The following ARHGAP17 variants were observed in gnomAD, a reference collection of about 807,000 sequenced individuals.
ARHGAP17 encodes Rho GTPase activating protein 17.
ARHGAP17 carries 57 observed loss-of-function variants against 99.5 expected under a neutral mutation model. The ratio of observed to expected loss-of-function variants is 0.57; its 90% CI spans 0.46 to 0.71. The LOEUF (loss-of-function observed/expected upper bound fraction) is 0.71. ARHGAP17 is among the 30% of genes least tolerant of loss of function. ARHGAP17 has a pLI of 0.00. For synonymous variants in ARHGAP17, 417 were observed against 429.6 expected (o/e 0.97, Z 0.36); for missense variants, 1,000 against 1,122.4 (o/e 0.89, Z 1.56).
chr16:24,982,842 T>G (rs1597451158), intron 1 of ARHGAP17, among the ~76,000 whole-genome samples: 1 of 140,518 alleles, frequency 7.1e-6, no homozygotes, highest in East Asian at 1.9e-4. Flanking sequence ...TATCTTTGGT[T>G]GAGTTTTTGT....
chr16:24,934,858 T>A (rs1291347011), intron 18 of ARHGAP17, among the ~76,000 whole-genome samples: 1 of 152,136 alleles, frequency 6.6e-6, no homozygotes, highest in Non-Finnish European at 1.5e-5. Context: ...ATGAACTTAG[T>A]TCATTCAAGG....
At chr16:24,959,801 G>A (rs552541237) in intron 8 of ARHGAP17, 49 bp from the exon 9 acceptor site, 1 of 1,605,674 alleles carries the variant, frequency 6.2e-7, no homozygotes, top group East Asian at 2.2e-5. Context: ...AGCATCGGAT[G>A]GACACACACA....
At chr16:24,932,641 A>G (rs899035350) in intron 18 of ARHGAP17, among the ~76,000 whole-genome samples, 6 of 152,310 alleles carry the variant, frequency 3.9e-5, no homozygotes, top group South Asian at 2.1e-4. Flanking sequence ...CCTGGACAAA[A>G]GCATGAATAA....
intron 14 of ARHGAP17, among the ~76,000 whole-genome samples, chr16:24,944,661 G>C (rs2051416189): frequency 6.6e-6 from 1 of 151,810 alleles, no homozygotes. Flanking sequence ...CTATCGCCCA[G>C]GCTGGAGTGC....
intron 1 of ARHGAP17, among the ~76,000 whole-genome samples, chr16:25,005,681 T>C (rs2053485662): frequency 6.6e-6 from 1 of 151,202 alleles, no homozygotes; most frequent in African/African-American, 2.4e-5. Context: ...TAAACGTTAA[T>C]TCCATGACAA....
At chr16:24,935,756 G>C (rs1263435442) in intron 17 of ARHGAP17, 117 bp from the exon 18 acceptor site, 2 of 1,127,868 alleles carry the variant, frequency 1.8e-6, no homozygotes, top group Non-Finnish European at 2.6e-6. Flanking sequence ...GCAGGAAAAG[G>C]ATCTGAAATT....
chr16:24,952,816 G>T, intron 11 of ARHGAP17, 115 bp downstream of exon 11: 1 of 913,918 alleles, frequency 1.1e-6, no homozygotes, highest in African/African-American at 1.6e-5. Flanking sequence ...AGCCACTTCG[G>T]TTTTGTCACT....
intron 6 of ARHGAP17, among the ~76,000 whole-genome samples, chr16:24,966,463 T>C (rs896718389): frequency 2.6e-5 from 4 of 152,076 alleles, no homozygotes; most frequent in African/African-American, 9.7e-5. Flanking sequence ...TGAAACCCCA[T>C]CTCTACTAAA....
intron 1 of ARHGAP17, among the ~76,000 whole-genome samples, chr16:24,987,718 G>A (rs909113629): frequency 6.6e-6 from 1 of 152,048 alleles, no homozygotes; most frequent in Non-Finnish European, 1.5e-5. Context: ...GTTGGTTTTT[G>A]GTTTACAATT....
rs76182433 is a variant in ARHGAP17, at chr16:24,946,524, G to A, written c.1241+958C>T. On this transcript the variant is annotated intron_variant, in intron 14 of 19. Transcript: ENST00000289968. The stretch of plus-strand genomic sequence containing the variant: ...GCCGTCATACTTGATAAAGGGGGCA[G>A]AATACGCTATCCCAAAATATGCTCC... Among the ~76,000 whole-genome samples the A allele has an allele frequency of 3.2e-3, 479 of 151,038 alleles. 1 individual carries two copies. The highest frequency in any genetic ancestry group is 0.011 in the African/African-American group (468 of 41,106).
intron 19 of ARHGAP17, among the ~76,000 whole-genome samples, chr16:24,929,077 C>A (rs1424212562): frequency 1.3e-5 from 2 of 152,104 alleles, no homozygotes; most frequent in African/African-American, 4.8e-5. Context: ...TGCTGGTGAG[C>A]CCATCAGTGA....
chr16:24,979,208 G>T (rs952037284), intron 1 of ARHGAP17, among the ~76,000 whole-genome samples: 11 of 152,156 alleles, frequency 7.2e-5, no homozygotes, highest in African/African-American at 2.7e-4. Context: ...ACTTTGTGGG[G>T]AATAGCAGCC....
chr16:24,965,782 ACTGT>A (rs1156778406), intron 6 of ARHGAP17, among the ~76,000 whole-genome samples: 1 of 152,190 alleles, frequency 6.6e-6, no homozygotes, highest in Non-Finnish European at 1.5e-5. Context: ...TATCACAAAC[ACTGT>A]CTGCCTTGTG....
In ARHGAP17 at chr16:25,003,504, A is replaced by G. The variant is rs561691949; in HGVS notation, c.53+11705T>C. On this transcript the variant is annotated intron_variant, in intron 1 of 19. Coordinates refer to ENST00000289968, the MANE Select transcript of ARHGAP17 (RefSeq NM_001006634.3). ...GCTGGGAGTATAGCCATGAGCCACC[A>G]TGCCTGGCCTTAAAGCTTTTTAAAA... 1.1e-4 allele frequency among the ~76,000 whole-genome samples: 17 copies of G among 152,222 alleles called. No individual in the cohort carries two copies. The East Asian group carries it at 2.7e-3, about 24-fold the overall frequency.
intron 1 of ARHGAP17, among the ~76,000 whole-genome samples, chr16:24,985,034 CTAAATT>C (rs1366517236): frequency 1.3e-5 from 2 of 152,092 alleles, no homozygotes; most frequent in African/African-American, 4.8e-5. Flanking sequence ...AATTTGTTTT[CTAAATT>C]TAAACTAGTG....
At chr16:24,939,971 T>G (rs2051266470) in intron 16 of ARHGAP17, 1 of 267,804 alleles carries the variant, frequency 3.7e-6, no homozygotes, top group African/African-American at 2.3e-5. Flanking sequence ...TGCTTGGCAC[T>G]CCAGTGGAGC....
At chr16:24,941,797 T>C (rs1567218058) in intron 16 of ARHGAP17, 190 bp downstream of exon 16, 2 of 706,590 alleles carry the variant, frequency 2.8e-6, no homozygotes, top group Middle Eastern at 4.1e-4. Context: ...ACTGAGAAGC[T>C]ACACACTGAC....
chr16:24,998,890 C>A (rs141274731), intron 1 of ARHGAP17, among the ~76,000 whole-genome samples: 1 of 152,120 alleles, frequency 6.6e-6, no homozygotes, highest in African/African-American at 2.4e-5. Context: ...CAAGCCAGGG[C>A]GGGAGGGACT....
chr16:24,926,860 C>G (rs1405590711), intron 19 of ARHGAP17, among the ~76,000 whole-genome samples: 1 of 152,188 alleles, frequency 6.6e-6, no homozygotes, highest in African/African-American at 2.4e-5. Context: ...GGGTTCCACC[C>G]CCAGTCTCCT....
Sources: gnomAD v4.1 joint callset for allele counts (sites outside exome capture counted in the v4.1 genomes callset) on GRCh38, gnomAD v4.1.1 for gene constraint, MANE v1.5 for transcripts, NCBI Gene and HGNC (gene_info 2026-07-23, HGNC 2026-07-21) for gene names.